LARS1: variants seen among roughly 807,000 people sequenced by gnomAD.
The protein encoded by LARS1 is leucine--tRNA ligase, cytoplasmic.
Under a neutral mutation model 162.8 loss-of-function variants are expected in LARS1, and 100 were observed. The observed-to-expected ratio is 0.61, with a 90% CI of 0.52 to 0.73. LARS1 has a LOEUF of 0.73. LARS1 is among the 30% of genes least tolerant of loss of function. The pLI is 0.00. For synonymous variants in LARS1, 457 were observed against 462.8 expected, an observed-to-expected ratio of 0.99 and a Z score of 0.16; for missense variants, 1,258 against 1,408.9, an observed-to-expected ratio of 0.89 and a Z score of 1.71.
intron 4 of LARS1, among the ~76,000 whole-genome samples, chr5:146,169,370 G>C (rs1754159013): frequency 6.6e-6 from 1 of 152,006 alleles, no homozygotes; most frequent in Admixed American, 6.6e-5. Context: ...AGAAAAATAA[G>C]AAATACAGAA....
intron 27 of LARS1, among the ~76,000 whole-genome samples, chr5:146,127,040 A>T (rs1752079743): frequency 6.6e-6 from 1 of 152,028 alleles, no homozygotes; most frequent in African/African-American, 2.4e-5. Context: ...TATATCACTG[A>T]TGAGTACAAT....
Position 146,128,894 on chromosome 5 carries a change from T to C in LARS1, c.2769+84A>G, listed in dbSNP as rs2895648. The C allele has an allele frequency of 0.27, 388,157 of 1,445,684 alleles. 55,564 individuals are homozygous for C. Among genetic ancestry groups the C allele is most frequent in the Admixed American group, 0.39 (17,092 of 43,678 alleles). The allele number at this position is 1,445,684 out of a possible 1,614,324, so 89.6% of individuals were successfully genotyped here. ...GGTCTTCACCATTAATGAAAATCTT[T>C]TTAACTTTCATTATTGTTAAATGTT... On this transcript the variant is annotated intron_variant, in intron 26 of 31. Coordinates refer to ENST00000394434, the MANE Select transcript of LARS1 (RefSeq NM_020117.11).
At chr5:146,152,128 C>T (rs1753321154) in intron 13 of LARS1, 126 bp from the exon 14 acceptor site, 7 of 976,114 alleles carry the variant, frequency 7.2e-6, no homozygotes, top group South Asian at 2.9e-5. Context: ...TACGACACTG[C>T]CACACATTAA....
Position 146,133,631 on chromosome 5 carries a change from G to C in LARS1, c.2213-550C>G, listed in dbSNP as rs895862693. Among the ~76,000 whole-genome samples the C allele has an allele frequency of 9.7e-5, 11 of 113,232 alleles. No individual in the cohort carries two copies. The Admixed American group carries it at 1.1e-3, about 11-fold the overall frequency. The allele number at this position is 113,232 out of a possible 152,430, so 74.3% of individuals were successfully genotyped here. A position where few individuals can be genotyped will look rare whatever the true frequency, so the allele number is the denominator to read the frequency against. Reference sequence around the variant, plus strand: ...TTCCATTCTAAAATATTGAAAAAAAGAACCTAAATGTCCATCAATTAAACT... The same window carrying C: ...TTCCATTCTAAAATATTGAAAAAAACAACCTAAATGTCCATCAATTAAACT... On this transcript the variant is annotated intron_variant, in intron 22 of 31. Transcript: ENST00000394434.
intron 30 of LARS1, among the ~76,000 whole-genome samples, chr5:146,122,070 T>C (rs1377659314): frequency 2.6e-5 from 4 of 152,132 alleles, no homozygotes; most frequent in Non-Finnish European, 5.9e-5. Context: ...TATTCCAGCA[T>C]AACTTAAGAT....
chr5:146,128,964 C>A lies in LARS1; in HGVS notation c.2769+14G>T, dbSNP rs531785197. 327 of 1,544,004 alleles carry A rather than the reference C, an allele frequency of 2.1e-4. No individual in the cohort carries two copies. The African/African-American group carries it at 2.6e-3, about 12-fold the overall frequency. ...AGGAATAATCCTTTAAAAAAAAAAA[C>A]AAAAAAACTTTACCTTCCCTTTAGC... On this transcript the variant is annotated intron_variant, in intron 26 of 31. Transcript: ENST00000394434.
chr5:146,127,178 A>C (rs1472794884), intron 27 of LARS1, among the ~76,000 whole-genome samples: 1 of 152,100 alleles, frequency 6.6e-6, no homozygotes, highest in East Asian at 1.9e-4. Context: ...CTTTATTGTA[A>C]AAGAAGGGTT....
intron 15 of LARS1, among the ~76,000 whole-genome samples, chr5:146,144,971 G>C (rs1446125728): frequency 6.6e-6 from 1 of 151,862 alleles, no homozygotes; most frequent in Non-Finnish European, 1.5e-5. Flanking sequence ...AAATTAAAAA[G>C]TGAACAAAAA....
chr5:146,127,409 CAT>C (rs896059404), intron 27 of LARS1, among the ~76,000 whole-genome samples: 5 of 152,056 alleles, frequency 3.3e-5, no homozygotes, highest in African/African-American at 1.2e-4. Flanking sequence ...TATAAATGAA[CAT>C]TCTTTTCATT....
chr5:146,125,750 G>A (rs546493271), intron 28 of LARS1, among the ~76,000 whole-genome samples: 18 of 151,948 alleles, frequency 1.2e-4, no homozygotes, highest in African/African-American at 4.1e-4. Context: ...GCCTTCTTTC[G>A]GTTTCTTTTT....
In LARS1 at chr5:146,181,862, T is replaced by TTTTTTTTTTTTTTTTG. The variant is rs1754872963; in HGVS notation, c.6+625_6+626insCAAAAAAAAAAAAAAA. On this transcript the variant is annotated intron_variant, in intron 1 of 31. Coordinates refer to ENST00000394434, the MANE Select transcript of LARS1 (RefSeq NM_020117.11). ...CTCAATTTTTTCTTTTTTTTTTTTT[T>TTTTTTTTTTTTTTTTG]TTTTTTTTTTTTTTTTTGCTGTAAG... Among the ~76,000 whole-genome samples the TTTTTTTTTTTTTTTTG allele has an allele frequency of 1.5e-5, 2 of 135,412 alleles. 1 individual carries two copies. Among genetic ancestry groups the TTTTTTTTTTTTTTTTG allele is most frequent in the East Asian group, 4.2e-4 (2 of 4,770 alleles). 88.8% of individuals were successfully genotyped at this position (135,412 alleles called of 152,430 possible).
intron 21 of LARS1, among the ~76,000 whole-genome samples, chr5:146,136,766 C>A (rs1285525020): frequency 2.0e-5 from 3 of 152,106 alleles, no homozygotes; most frequent in Non-Finnish European, 4.4e-5. Flanking sequence ...CGGGCGTGAG[C>A]CACCGCACCC....
Position 146,160,489 on chromosome 5 carries a change from A to T in LARS1, c.595-3T>A. ...ATGAAGGAACGACGCCAGTCTACCT[A>T]TAAAAGGAAAATTTTAAAAGGCAAT... On this transcript the variant is annotated splice_region_variant and splice_polypyrimidine_tract_variant and intron_variant, in intron 6 of 31. Transcript: ENST00000394434. 3 of 1,495,954 alleles carry T rather than the reference A, an allele frequency of 2.0e-6. No homozygotes were observed. The highest frequency in any genetic ancestry group is 2.7e-6 in the Non-Finnish European group (3 of 1,120,066). 92.7% of individuals were successfully genotyped at this position (1,495,954 alleles called of 1,614,324 possible). A position where few individuals can be genotyped will look rare whatever the true frequency, so the allele number is the denominator to read the frequency against.
At chr5:146,181,402 G>A (rs1231679678) in intron 1 of LARS1, among the ~76,000 whole-genome samples, 1 of 151,738 alleles carries the variant, frequency 6.6e-6, no homozygotes, top group Non-Finnish European at 1.5e-5. Flanking sequence ...AAAACCAGGC[G>A]GGATGGCTCA....
chr5:146,156,705 T>C (rs868028888), intron 10 of LARS1, among the ~76,000 whole-genome samples: 2 of 138,340 alleles, frequency 1.4e-5, no homozygotes, highest in Non-Finnish European at 3.2e-5. Context: ...AAAAAAAAAA[T>C]AAAAATAAAA....
At chr5:146,162,949 A>T (rs1374341481) in intron 6 of LARS1, among the ~76,000 whole-genome samples, 1 of 152,182 alleles carries the variant, frequency 6.6e-6, no homozygotes, top group Non-Finnish European at 1.5e-5. Flanking sequence ...AGCTGGGATT[A>T]TAGGAGCCCG....
rs73315734 is a variant in LARS1, at chr5:146,122,783, G to C, written c.3097-196C>G. On this transcript the variant is annotated intron_variant, in intron 29 of 31. Coordinates refer to ENST00000394434, the MANE Select transcript of LARS1 (RefSeq NM_020117.11). ...TAACATTCGTTTTAGATGTCTCATAGTATTGTTATTTATATAGTCATGTTT... is the reference window on the plus strand; with the variant it reads ...TAACATTCGTTTTAGATGTCTCATACTATTGTTATTTATATAGTCATGTTT... Among the ~76,000 whole-genome samples, 2,315 of 151,964 alleles carry C rather than the reference G, an allele frequency of 0.015. 58 individuals carry two copies. Among genetic ancestry groups the C allele is most frequent in the African/African-American group, 0.052 (2,162 of 41,480 alleles).
rs569115674 is a variant in LARS1 at position 146,159,546 on chromosome 5, C to T, written c.708-76G>A. 6.3e-6 allele frequency: 7 copies of T among 1,110,222 alleles called. No homozygotes were observed. In the East Asian group the frequency reaches 1.7e-4, roughly 27 times the overall value. 68.8% of individuals were successfully genotyped at this position (1,110,222 alleles called of 1,614,324 possible). ...TCCTACCATATTTGCCTGTGTTGCACCTAATTTCTTACATGTCTTGCAACT... is the reference window on the plus strand; with the variant it reads ...TCCTACCATATTTGCCTGTGTTGCATCTAATTTCTTACATGTCTTGCAACT... On this transcript the variant is annotated intron_variant, in intron 7 of 31. Transcript: ENST00000394434.
In LARS1 at chr5:146,144,598, G is replaced by C. The variant is rs766102519; in HGVS notation, c.1589+26C>G. 1.9e-6 allele frequency: 3 copies of C among 1,612,720 alleles called. No homozygotes were observed. In the African/African-American group the frequency reaches 4.0e-5, roughly 22 times the overall value. ...TCAAAGGTGAGCAAATTGACTAGGG[G>C]AATTTTCTTGCTATAAGAGACTAAC... On this transcript the variant is annotated intron_variant, in intron 16 of 31. Coordinates refer to ENST00000394434, the MANE Select transcript of LARS1 (RefSeq NM_020117.11).
Sources: allele counts gnomAD v4.1 joint callset (sites outside exome capture counted in the v4.1 genomes callset), GRCh38; gene constraint gnomAD v4.1.1; transcripts MANE v1.5; gene names NCBI Gene and HGNC (gene_info 2026-07-23, HGNC 2026-07-21).